Variants in FTCDNL1 observed in about 807,000 individuals in gnomAD.
The protein encoded by FTCDNL1 is formiminotransferase cyclodeaminase N-terminal like.
FTCDNL1 carries 11 observed loss-of-function variants against 5.9 expected under a neutral mutation model. That is an observed-to-expected ratio of 1.87 (90% CI 1.18 to 3.10). The LOEUF (loss-of-function observed/expected upper bound fraction) is 3.10. Ranked by LOEUF, FTCDNL1 falls within the 30% of genes most tolerant of loss-of-function variation. The probability of loss-of-function intolerance (pLI) is 0.00; values close to 1 mark genes in which losing one functional copy is unlikely to be tolerated. For missense variants in FTCDNL1, 115 were observed against 65.5 expected (o/e 1.76, Z -2.61); for synonymous variants, 58 against 24.8 (o/e 2.34, Z -3.99).
chr2:199,745,141 C>G, the FTCDNL1 span, among the ~76,000 whole-genome samples: 1 of 152,236 alleles, frequency 6.6e-6, no homozygotes, highest in Non-Finnish European at 1.5e-5. Context: ...TGCCACTTCA[C>G]TGCAGTGTCT....
At chr2:199,771,620 G>T (rs576322350) in intron 3 of FTCDNL1, among the ~76,000 whole-genome samples, 1 of 152,138 alleles carries the variant, frequency 6.6e-6, no homozygotes, top group African/African-American at 2.4e-5. Flanking sequence ...AATAGGAAAA[G>T]TATGTCATAA....
the FTCDNL1 span, among the ~76,000 whole-genome samples, chr2:199,699,252 A>G: frequency 5.3e-5 from 8 of 152,130 alleles, no homozygotes; most frequent in Non-Finnish European, 1.0e-4. Flanking sequence ...AGATCACTTG[A>G]GCTCAGGAGT....
chr2:199,846,270 A>T, intron 2 of FTCDNL1, 100 bp from the exon 3 acceptor site: 1 of 584,370 alleles, frequency 1.7e-6, no homozygotes, highest in Non-Finnish European at 3.0e-6. Flanking sequence ...TTAGTGGAAA[A>T]ATTCTGGGAT....
chr2:199,675,913 G>C, the FTCDNL1 span, among the ~76,000 whole-genome samples: 1 of 152,110 alleles, frequency 6.6e-6, no homozygotes, highest in African/African-American at 2.4e-5. Context: ...ACCAAGCCCA[G>C]CTAATTTTTG....
chr2:199,762,034 A>G (rs1698293888), intron 3 of FTCDNL1, among the ~76,000 whole-genome samples: 1 of 152,214 alleles, frequency 6.6e-6, no homozygotes, highest in Non-Finnish European at 1.5e-5. Context: ...ATACACTAAC[A>G]CTAACGATAG....
the FTCDNL1 span, among the ~76,000 whole-genome samples, chr2:199,717,978 CAAAAAAACAAAAAA>C: frequency 1.1e-3 from 42 of 36,606 alleles, no homozygotes; most frequent in East Asian, 0.016. Flanking sequence ...TAAAAAAAAC[CAAAAAAACAAAAAA>C]AAAAAAACAA....
At chr2:199,802,257 G>A (rs1700496544) in intron 3 of FTCDNL1, among the ~76,000 whole-genome samples, 1 of 152,160 alleles carries the variant, frequency 6.6e-6, no homozygotes, top group South Asian at 2.1e-4. Context: ...ACAAGTGAGG[G>A]CACCTACATC....
intron 3 of FTCDNL1, among the ~76,000 whole-genome samples, chr2:199,771,527 ATTATT>A (rs1336161194): frequency 1.3e-5 from 2 of 152,240 alleles, no homozygotes. Context: ...CTTAATCATA[ATTATT>A]TTAAATACAT....
intron 3 of FTCDNL1, among the ~76,000 whole-genome samples, chr2:199,825,000 T>C (rs891672575): frequency 6.6e-6 from 1 of 151,924 alleles, no homozygotes; most frequent in African/African-American, 2.4e-5. Flanking sequence ...TAGCCTGGCA[T>C]GGTGGCATAC....
chr2:199,698,718 T>G, the FTCDNL1 span, among the ~76,000 whole-genome samples: 3 of 151,948 alleles, frequency 2.0e-5, no homozygotes, highest in Non-Finnish European at 4.4e-5. Context: ...CCAGAGGAAT[T>G]AGAACAAGAA....
At chr2:199,760,310 C>A (rs1698213756), downstream of FTCDNL1, among the ~76,000 whole-genome samples, 1 of 151,864 alleles carries the variant, frequency 6.6e-6, no homozygotes, top group Non-Finnish European at 1.5e-5. Flanking sequence ...GAAAGTTCTG[C>A]TTTCTTGATC....
rs1396662399 is a variant in FTCDNL1 at position 199,810,578 on chromosome 2, CA to C, written c.*2126del. Among the ~76,000 whole-genome samples the C allele has an allele frequency of 6.6e-6, 1 of 152,200 alleles. No individual in the cohort carries two copies. Among genetic ancestry groups the C allele is most frequent in the African/African-American group, 2.4e-5 (1 of 41,450 alleles). Reference sequence around the variant, plus strand: ...GCCCTGTTACTCTAGAGCTCAGGGGCAAATGTCCCGCCTTTCCCTGTCTCAG... The same window carrying C: ...GCCCTGTTACTCTAGAGCTCAGGGGCAATGTCCCGCCTTTCCCTGTCTCAG... On this transcript the variant is annotated 3_prime_UTR_variant, in exon 5 of 5. Coordinates refer to ENST00000420128, the MANE Select transcript of FTCDNL1 (RefSeq NM_001363886.2).
chr2:199,776,002 C>T (rs1699046467), intron 3 of FTCDNL1, among the ~76,000 whole-genome samples: 1 of 151,372 alleles, frequency 6.6e-6, no homozygotes, highest in Non-Finnish European at 1.5e-5. Context: ...CAAGCTCCAC[C>T]TCCCAGGTTC....
intron 3 of FTCDNL1, among the ~76,000 whole-genome samples, chr2:199,791,891 A>C (rs952538195): frequency 2.0e-5 from 3 of 152,174 alleles, no homozygotes; most frequent in Non-Finnish European, 2.9e-5. Context: ...CTACCGCTAT[A>C]GTATATGCTA....
rs1246479745 is a variant in FTCDNL1 at position 199,850,982 on chromosome 2, G to A, written c.-250C>T. 1 of 152,032 alleles carries A rather than the reference G, an allele frequency of 6.6e-6. No homozygotes were observed. The highest frequency in any genetic ancestry group is 2.4e-5 in the African/African-American group (1 of 41,442). The allele number at this position is 152,032 out of a possible 1,614,324, so 9.4% of individuals were successfully genotyped here. ...GGGCGCGGGGTTGTGGCGCCTGGGA[G>A]CGAGGGGCAGCCGGCGGCTGCGCTG... On this transcript the variant is annotated 5_prime_UTR_variant, in exon 1 of 5. Transcript: ENST00000420128.
At position 199,851,146 on chromosome 2, in the gene FTCDNL1, C is replaced by G. The variant is rs1182917842; in HGVS notation, c.-414G>C. On this transcript the variant is annotated 5_prime_UTR_variant, in exon 1 of 5. Coordinates refer to ENST00000420128, the MANE Select transcript of FTCDNL1 (RefSeq NM_001363886.2). ...GCCGCCGCGCGTGGCCCGCGCGCAG[C>G]CTCCGCCGCCGCGCGTGGCCCGCGC... The G allele has an allele frequency of 2.9e-5, 4 of 137,664 alleles. No individual in the cohort carries two copies. Among genetic ancestry groups the G allele is most frequent in the African/African-American group, 9.1e-5 (3 of 32,972 alleles). 8.5% of individuals were successfully genotyped at this position (137,664 alleles called of 1,614,324 possible).
chr2:199,739,173 G>A, the FTCDNL1 span, among the ~76,000 whole-genome samples: 1 of 152,190 alleles, frequency 6.6e-6, no homozygotes, highest in African/African-American at 2.4e-5. Flanking sequence ...AGATTTCAAA[G>A]TTTGAAGCAG....
the FTCDNL1 span, among the ~76,000 whole-genome samples, chr2:199,664,698 A>C: frequency 1.3e-5 from 2 of 152,250 alleles, no homozygotes; most frequent in Non-Finnish European, 2.9e-5. Context: ...AAGCCAAAGA[A>C]TATGCCAAAA....
chr2:199,760,118 T>C (rs1240891124), downstream of FTCDNL1, among the ~76,000 whole-genome samples: 1 of 152,048 alleles, frequency 6.6e-6, no homozygotes, highest in African/African-American at 2.4e-5. Flanking sequence ...GGATTTGTTT[T>C]GACCAAGATA....
Sources: gnomAD v4.1 joint callset for allele counts (sites outside exome capture counted in the v4.1 genomes callset) on GRCh38, gnomAD v4.1.1 for gene constraint, MANE v1.5 for transcripts, NCBI Gene and HGNC (gene_info 2026-07-23, HGNC 2026-07-21) for gene names.